The following ATXN7L1 variants were observed in gnomAD, a reference collection of about 807,000 sequenced individuals.
ATXN7L1 encodes ataxin-7-like protein 1.
In ATXN7L1, 15 loss-of-function variants were observed where a neutral mutation model predicts 70.8. The observed-to-expected ratio is 0.21, with a 90% confidence interval of 0.14 to 0.33. The LOEUF is 0.33. Ranked by LOEUF, ATXN7L1 falls within the 10% of genes least tolerant of loss-of-function variation. The probability of loss-of-function intolerance (pLI) is 1.00; values close to 1 mark genes in which losing one functional copy is unlikely to be tolerated. For missense variants in ATXN7L1, 975 were observed against 1,097.1 expected, an observed-to-expected ratio of 0.89 and a Z score of 1.57; for synonymous variants, 440 against 445.1, an observed-to-expected ratio of 0.99 and a Z score of 0.14.
At chr7:105,770,436 T>G (rs1801830189) in intron 3 of ATXN7L1, among the ~76,000 whole-genome samples, 2 of 152,210 alleles carry the variant, frequency 1.3e-5, no homozygotes, top group Non-Finnish European at 2.9e-5. Flanking sequence ...GTATCTCTAT[T>G]AAAAGCTTGT....
chr7:105,845,253 C>T (rs1033797258), intron 2 of ATXN7L1, among the ~76,000 whole-genome samples: 4 of 137,950 alleles, frequency 2.9e-5, no homozygotes, highest in Admixed American at 7.2e-5. Flanking sequence ...TGTATTTCTA[C>T]ACACTAGCAA....
intron 3 of ATXN7L1, among the ~76,000 whole-genome samples, chr7:105,764,009 A>G (rs1800905712): frequency 6.6e-6 from 1 of 152,002 alleles, no homozygotes; most frequent in Non-Finnish European, 1.5e-5. Context: ...GCCCGCCACC[A>G]TGCCCAGCTA....
intron 4 of ATXN7L1, among the ~76,000 whole-genome samples, chr7:105,658,697 T>G (rs1421213513): frequency 6.7e-6 from 1 of 148,810 alleles, no homozygotes; most frequent in African/African-American, 2.4e-5. Flanking sequence ...TGCCTGGTTA[T>G]TTTTTTTTGT....
chr7:105,649,312 C>T, intron 4 of ATXN7L1: 3 of 956,712 alleles, frequency 3.1e-6, no homozygotes, highest in Non-Finnish European at 3.7e-6. Flanking sequence ...GTTCTCTCCT[C>T]ATCATCTCTG....
At chr7:105,734,401 C>T (rs1040257517) in intron 3 of ATXN7L1, among the ~76,000 whole-genome samples, 1 of 152,250 alleles carries the variant, frequency 6.6e-6, no homozygotes, top group African/African-American at 2.4e-5. Context: ...GGGGCAGCTG[C>T]TGCAGCTGGC....
At position 105,741,003 on chromosome 7, in the gene ATXN7L1, A is replaced by T. The variant is rs543470939; in HGVS notation, c.355+47601T>A. Reference sequence around the variant, plus strand: ...ATGGTCTCGATCTCCTGACCTCGTGATCTGCCCGCCTCGGCCTCCCAAAGT... The same window carrying T: ...ATGGTCTCGATCTCCTGACCTCGTGTTCTGCCCGCCTCGGCCTCCCAAAGT... On this transcript the variant is annotated intron_variant, in intron 3 of 11. Transcript: ENST00000419735. Among the ~76,000 whole-genome samples, 15 of 151,970 alleles carry T rather than the reference A, an allele frequency of 9.9e-5. No individual in the cohort carries two copies. The South Asian group carries it at 1.0e-3, about 11-fold the overall frequency.
intron 3 of ATXN7L1, among the ~76,000 whole-genome samples, chr7:105,678,686 C>G (rs958116136): frequency 2.0e-5 from 3 of 152,138 alleles, no homozygotes; most frequent in African/African-American, 7.2e-5. Context: ...GGTTGACACG[C>G]CGGGAAGGTT....
In ATXN7L1 at chr7:105,646,345, G is replaced by A. The variant is rs972992399; in HGVS notation, c.579-3224C>T. Among the ~76,000 whole-genome samples, 4 of 152,212 alleles carry A rather than the reference G, an allele frequency of 2.6e-5. No homozygotes were observed. In the South Asian group the frequency reaches 8.3e-4, roughly 32 times the overall value. ...CCCCCAAACCCAAACATATTGGCCAGGTATGGTGGCTCATGTCTGTAGTCC... is the reference window on the plus strand; with the variant it reads ...CCCCCAAACCCAAACATATTGGCCAAGTATGGTGGCTCATGTCTGTAGTCC... On this transcript the variant is annotated intron_variant, in intron 4 of 11. Transcript: ENST00000419735.
At chr7:105,745,215 G>A (rs939852502) in intron 3 of ATXN7L1, among the ~76,000 whole-genome samples, 2 of 151,646 alleles carry the variant, frequency 1.3e-5, no homozygotes, top group Admixed American at 6.6e-5. Context: ...CTCTCAAATG[G>A]GTCAGGAAAA....
intron 3 of ATXN7L1, among the ~76,000 whole-genome samples, chr7:105,729,235 C>T (rs562424545): frequency 3.8e-4 from 57 of 151,928 alleles, no homozygotes; most frequent in Non-Finnish European, 6.9e-4. Flanking sequence ...AGTGCCACCA[C>T]ATTCCAGCCT....
chr7:105,665,382 A>G, intron 3 of ATXN7L1, 94 bp from the exon 4 acceptor site: 1 of 1,041,262 alleles, frequency 9.6e-7, no homozygotes, highest in Non-Finnish European at 1.4e-6. Context: ...ACAGGCGGAG[A>G]GAAGCGCTTT....
intron 3 of ATXN7L1, among the ~76,000 whole-genome samples, chr7:105,707,025 T>C (rs1449445251): frequency 6.6e-6 from 1 of 152,214 alleles, no homozygotes; most frequent in Non-Finnish European, 1.5e-5. Flanking sequence ...TGGGTGGAAT[T>C]GTTCCATGCA....
chr7:105,766,966 T>G (rs1218364832), intron 3 of ATXN7L1, among the ~76,000 whole-genome samples: 1 of 152,150 alleles, frequency 6.6e-6, no homozygotes, highest in African/African-American at 2.4e-5. Context: ...AGCCCGAAAT[T>G]CAGTCTTTCT....
At chr7:105,811,806 C>CA in intron 2 of ATXN7L1, among the ~76,000 whole-genome samples, 1 of 152,112 alleles carries the variant, frequency 6.6e-6, no homozygotes, top group Admixed American at 6.5e-5. Context: ...CCAAGAGTGC[C>CA]AAGTCCTGGG....
At chr7:105,768,933 G>T (rs1801627778) in intron 3 of ATXN7L1, among the ~76,000 whole-genome samples, 1 of 152,208 alleles carries the variant, frequency 6.6e-6, no homozygotes, top group African/African-American at 2.4e-5. Context: ...TGTACTGGGT[G>T]CATTTTTTTG....
chr7:105,875,734 A>G, intron 2 of ATXN7L1, 78 bp downstream of exon 2: 1 of 1,450,474 alleles, frequency 6.9e-7, no homozygotes, highest in Admixed American at 1.7e-5. Flanking sequence ...ACCCAGCAGA[A>G]CAATTCACAT....
At chr7:105,664,337 CCT>C (rs942326651) in intron 4 of ATXN7L1, among the ~76,000 whole-genome samples, 1 of 151,280 alleles carries the variant, frequency 6.6e-6, no homozygotes, top group Non-Finnish European at 1.5e-5. Context: ...GAAATATTTC[CCT>C]GTTACCCTTT....
At chr7:105,748,358 G>C (rs1239709404) in intron 3 of ATXN7L1, among the ~76,000 whole-genome samples, 1 of 152,154 alleles carries the variant, frequency 6.6e-6, no homozygotes, top group Non-Finnish European at 1.5e-5. Context: ...TGAGACTCTG[G>C]CTGGGTTGCC....
intron 2 of ATXN7L1, among the ~76,000 whole-genome samples, chr7:105,812,278 G>A (rs1374767747): frequency 2.6e-5 from 4 of 152,196 alleles, no homozygotes; most frequent in African/African-American, 4.8e-5. Flanking sequence ...GGCAGCTACC[G>A]TATTAACACT....
Sources: allele counts gnomAD v4.1 joint callset (sites outside exome capture counted in the v4.1 genomes callset), GRCh38; gene constraint gnomAD v4.1.1; transcripts MANE v1.5; gene names NCBI Gene and HGNC (gene_info 2026-07-23, HGNC 2026-07-21).